Variants in PLPPR4 observed in about 807,000 individuals in gnomAD.
PLPPR4 encodes the protein phospholipid phosphatase related 4.
PLPPR4 carries 24 observed loss-of-function variants against 56.6 expected under a neutral mutation model. The ratio of observed to expected loss-of-function variants is 0.42; its 90% CI spans 0.31 to 0.60. The LOEUF (loss-of-function observed/expected upper bound fraction) is 0.60. Among genes scored for constraint, PLPPR4 ranks in the 20% least tolerant of loss-of-function variants. The pLI is 0.13. For missense variants in PLPPR4, 654 were observed against 885.8 expected (o/e 0.74, Z 3.32); for synonymous variants, 326 against 328.1 (o/e 0.99, Z 0.07).
chr1:99,281,261 T>G (rs965240070), intron 1 of PLPPR4, among the ~76,000 whole-genome samples: 17 of 152,212 alleles, frequency 1.1e-4, no homozygotes, highest in African/African-American at 4.1e-4. Context: ...TGGATTCTCC[T>G]GCTTCTGAGG....
In PLPPR4 at chr1:99,305,817, G is replaced by T; in HGVS notation, c.955G>T (p.Asp319Tyr). 6.2e-7 allele frequency: 1 copy of T among 1,614,096 alleles called. No homozygotes were observed. Among genetic ancestry groups the T allele is most frequent in the Non-Finnish European group, 8.5e-7 (1 of 1,180,026 alleles). Residue 319 changes from aspartate (D) to tyrosine (Y), a missense_variant, in exon 7 of 7, where the codon GAT becomes TAT. This residue lies in a region of PLPPR4 where 468 missense variants were observed against 554.3 expected (regional missense o/e 0.84). Transcript: ENST00000370185. ...ATCTGCTAAAAATGGTAGCAGCAGT[G>T]ATGGAATTGCTCATACAGAAGGCAT... ...LLSAKNGSSS[D>Y]GIAHTEGILN...
At chr1:99,300,021 G>C (rs1373866373) in intron 4 of PLPPR4, among the ~76,000 whole-genome samples, 2 of 151,950 alleles carry the variant, frequency 1.3e-5, no homozygotes, top group Non-Finnish European at 2.9e-5. Flanking sequence ...AGGTACACCT[G>C]AATAATTAAA....
At chr1:99,300,994 T>A (rs371421404) in intron 5 of PLPPR4, 28 bp downstream of exon 5, 3 of 1,596,490 alleles carry the variant, frequency 1.9e-6, no homozygotes, top group Non-Finnish European at 2.6e-6. Flanking sequence ...TTTTGTTAAG[T>A]TGTGTTCTAC....
intron 1 of PLPPR4, among the ~76,000 whole-genome samples, chr1:99,284,540 C>T: frequency 6.6e-6 from 1 of 151,764 alleles, no homozygotes; most frequent in Non-Finnish European, 1.5e-5. Context: ...GCCTCTCTCC[C>T]AAAGTGCTGG....
In PLPPR4 at chr1:99,305,838, G is replaced by A. The variant is rs761930735; in HGVS notation, c.976G>A (p.Gly326Ser). 2.4e-5 allele frequency: 38 copies of A among 1,613,908 alleles called. No homozygotes were observed. Among genetic ancestry groups the A allele is most frequent in the Non-Finnish European group, 2.8e-5 (33 of 1,180,022 alleles). ...SSSDGIAHTE[G>S]ILNRNHRDAS... is the part of the protein sequence containing the mutation. ...CAGTGATGGAATTGCTCATACAGAA[G>A]GCATCCTCAACCGAAACCACAGAGA... The change falls in exon 7 of 7, where the codon GGC (glycine) becomes AGC (serine). Residue 326 changes from glycine (G) to serine (S), a missense_variant. Coordinates refer to ENST00000370185, the MANE Select transcript of PLPPR4 (RefSeq NM_014839.5).
At chr1:99,270,673 G>C (rs924976299) in intron 1 of PLPPR4, among the ~76,000 whole-genome samples, 32 of 152,084 alleles carry the variant, frequency 2.1e-4, no homozygotes, top group African/African-American at 7.5e-4. Flanking sequence ...TGATTTTCTT[G>C]CTGAGAAATA....
At chr1:99,290,318 C>A (rs1389955377) in intron 2 of PLPPR4, among the ~76,000 whole-genome samples, 1 of 152,054 alleles carries the variant, frequency 6.6e-6, no homozygotes, top group Non-Finnish European at 1.5e-5. Context: ...GAAAAATATT[C>A]CATACTCATG....
At chr1:99,279,238 C>T (rs1248577366) in intron 1 of PLPPR4, among the ~76,000 whole-genome samples, 1 of 152,068 alleles carries the variant, frequency 6.6e-6, no homozygotes, top group Non-Finnish European at 1.5e-5. Context: ...ATGACAATTG[C>T]TATGATCTAG....
chr1:99,300,634 C>G lies in PLPPR4; in HGVS notation c.591-275C>G, dbSNP rs144454169. ...GTTTTCCAATCCATTTTTACTTCAA[C>G]CATCCTTCTAGTGATGTAATGAAGT... On this transcript the variant is annotated intron_variant, in intron 4 of 6. Coordinates refer to ENST00000370185, the MANE Select transcript of PLPPR4 (RefSeq NM_014839.5). Among the ~76,000 whole-genome samples the G allele has an allele frequency of 6.6e-5, 10 of 152,186 alleles. No individual in the cohort carries two copies. The East Asian group carries it at 1.7e-3, about 26-fold the overall frequency.
chr1:99,278,324 A>T (rs746991586), intron 1 of PLPPR4, among the ~76,000 whole-genome samples: 26 of 152,172 alleles, frequency 1.7e-4, no homozygotes, highest in Admixed American at 1.5e-3. Context: ...CAGTTTCCTC[A>T]TCTGTAAGAT....
intron 3 of PLPPR4, 136 bp downstream of exon 3, chr1:99,297,003 C>T: frequency 2.1e-6 from 2 of 941,034 alleles, no homozygotes; most frequent in South Asian, 9.1e-5. Context: ...TTATATTGTA[C>T]AAGAAACTGT....
intron 1 of PLPPR4, among the ~76,000 whole-genome samples, chr1:99,282,565 T>G (rs571974469): frequency 6.6e-6 from 1 of 152,300 alleles, no homozygotes; most frequent in African/African-American, 2.4e-5. Context: ...CCCACCATGA[T>G]CATCCTCAAT....
At chr1:99,289,401 A>G (rs1165598538) in intron 2 of PLPPR4, among the ~76,000 whole-genome samples, 1 of 152,160 alleles carries the variant, frequency 6.6e-6, no homozygotes, top group Non-Finnish European at 1.5e-5. Context: ...CATAGTGTAT[A>G]AAATATTCTC....
intron 2 of PLPPR4, among the ~76,000 whole-genome samples, chr1:99,293,648 G>GAAT (rs1321232971): frequency 1.3e-5 from 2 of 152,058 alleles, no homozygotes; most frequent in Non-Finnish European, 1.5e-5. Flanking sequence ...CTAGCTCCTG[G>GAAT]AATAGCCTTA....
intron 2 of PLPPR4, among the ~76,000 whole-genome samples, chr1:99,290,239 A>C (rs940584931): frequency 2.0e-5 from 3 of 152,078 alleles, no homozygotes; most frequent in African/African-American, 7.2e-5. Flanking sequence ...TAACAAGAGA[A>C]GTGAAAGAGC....
intron 6 of PLPPR4, among the ~76,000 whole-genome samples, chr1:99,303,062 C>T (rs1277655872): frequency 1.3e-5 from 2 of 152,076 alleles, no homozygotes; most frequent in Non-Finnish European, 2.9e-5. Context: ...GAATAGCAAA[C>T]TGCCTGAGGA....
At chr1:99,281,711 T>C (rs1383637923) in intron 1 of PLPPR4, among the ~76,000 whole-genome samples, 1 of 152,180 alleles carries the variant, frequency 6.6e-6, no homozygotes, top group Non-Finnish European at 1.5e-5. Context: ...TTTAATACAA[T>C]TGCTTTGATC....
intron 6 of PLPPR4, among the ~76,000 whole-genome samples, chr1:99,303,306 C>T (rs1659932647): frequency 6.6e-6 from 1 of 152,108 alleles, no homozygotes; most frequent in Admixed American, 6.6e-5. Flanking sequence ...CAGATGATGA[C>T]TTCATTAGCA....
intron 1 of PLPPR4, among the ~76,000 whole-genome samples, chr1:99,284,796 A>T (rs1659421094): frequency 6.6e-6 from 1 of 152,150 alleles, no homozygotes; most frequent in African/African-American, 2.4e-5. Flanking sequence ...GCATATATGT[A>T]TATATAGAGA....
Sources: gnomAD v4.1 joint callset for allele counts (sites outside exome capture counted in the v4.1 genomes callset) on GRCh38, gnomAD v4.1.1 for gene constraint, gnomAD v4.1.1 regional missense constraint, MANE v1.5 for transcripts, NCBI Gene and HGNC (gene_info 2026-07-23, HGNC 2026-07-21) for gene names.